The following CCM2 variants were observed in gnomAD, a reference collection of about 807,000 sequenced individuals.
CCM2 encodes the protein cerebral cavernous malformations 2 protein.
A neutral mutation model predicts 44.9 loss-of-function variants in CCM2; 25 were observed. The observed-to-expected ratio is 0.56, with a 90% CI of 0.41 to 0.78. The LOEUF (loss-of-function observed/expected upper bound fraction) is 0.78, where lower values mean the gene tolerates loss of function less well. Ranked by LOEUF, CCM2 falls within the 30% of genes least tolerant of loss-of-function variation. The pLI is 0.00. For missense variants in CCM2, 481 were observed against 580.6 expected, an observed-to-expected ratio of 0.83 and a Z score of 1.76; for synonymous variants, 219 against 241.1, an observed-to-expected ratio of 0.91 and a Z score of 0.85.
At chr7:45,029,334 T>G (rs1297000358) in intron 1 of CCM2, 1 of 152,196 alleles carries the variant, frequency 6.6e-6, no homozygotes, top group African/African-American at 2.4e-5. Context: ...TTGTAGTTTA[T>G]TCATAAGGGT....
chr7:45,009,514 C>T (rs538354570), intron 1 of CCM2, among the ~76,000 whole-genome samples: 1 of 149,730 alleles, frequency 6.7e-6, no homozygotes, highest in Admixed American at 6.8e-5. Flanking sequence ...AAGCGATTCT[C>T]CTGCCTCAGC....
intron 4 of CCM2, chr7:45,067,987 G>T: frequency 4.0e-6 from 1 of 247,058 alleles, no homozygotes; most frequent in Non-Finnish European, 8.1e-6. Context: ...GGGAGGCAAT[G>T]GGTAGGATGT....
At chr7:45,074,073 G>A in intron 8 of CCM2, 197 bp from the exon 9 acceptor site, 1 of 1,213,838 alleles carries the variant, frequency 8.2e-7, no homozygotes, top group Non-Finnish European at 1.1e-6. Context: ...GGGTGCCTTG[G>A]TCTCCTCTGG....
intron 6 of CCM2, chr7:45,070,175 G>A (rs1798994209): frequency 1.6e-6 from 1 of 608,060 alleles, no homozygotes; most frequent in South Asian, 2.0e-5. Context: ...CCAGGTCAGC[G>A]CTATGGCTTC....
At chr7:45,052,510 T>C (rs1439201364) in intron 2 of CCM2, among the ~76,000 whole-genome samples, 1 of 152,224 alleles carries the variant, frequency 6.6e-6, no homozygotes, top group Non-Finnish European at 1.5e-5. Flanking sequence ...CACCTGTTCC[T>C]GCAGCTGGCA....
intron 2 of CCM2, among the ~76,000 whole-genome samples, chr7:45,063,601 C>T (rs1382285762): frequency 1.3e-5 from 2 of 152,138 alleles, no homozygotes; most frequent in Non-Finnish European, 2.9e-5. Flanking sequence ...CCTGACCATC[C>T]CTGTTTTAGA....
At chr7:45,001,140 C>A (rs1795604846) in intron 1 of CCM2, among the ~76,000 whole-genome samples, 3 of 152,108 alleles carry the variant, frequency 2.0e-5, no homozygotes, top group Admixed American at 1.3e-4. Flanking sequence ...CTCGATAATT[C>A]CTAACTATGA....
At chr7:45,044,897 T>C (rs1463438543) in intron 2 of CCM2, among the ~76,000 whole-genome samples, 2 of 152,292 alleles carry the variant, frequency 1.3e-5, no homozygotes, top group South Asian at 4.2e-4. Context: ...TAAAATTTTG[T>C]TTTGAAGATT....
intron 1 of CCM2, among the ~76,000 whole-genome samples, chr7:45,036,747 C>T (rs1797236428): frequency 6.6e-6 from 1 of 152,084 alleles, no homozygotes; most frequent in Non-Finnish European, 1.5e-5. Flanking sequence ...GGGTGAATTT[C>T]CCATATGCTG....
intron 1 of CCM2, among the ~76,000 whole-genome samples, chr7:45,024,999 A>G (rs1249573475): frequency 6.6e-6 from 1 of 152,182 alleles, no homozygotes; most frequent in East Asian, 1.9e-4. Flanking sequence ...GTTAGACTCG[A>G]TGGACCCAGC....
At chr7:45,052,423 AC>A (rs1798056670) in intron 2 of CCM2, among the ~76,000 whole-genome samples, 1 of 151,966 alleles carries the variant, frequency 6.6e-6, no homozygotes, top group Admixed American at 6.6e-5. Flanking sequence ...TGTATTGGGA[AC>A]CCTTTCTGAG....
chr7:45,055,294 A>G (rs887819660), intron 2 of CCM2, among the ~76,000 whole-genome samples: 5 of 152,246 alleles, frequency 3.3e-5, no homozygotes, highest in Non-Finnish European at 5.9e-5. Flanking sequence ...TTTTGAGAAC[A>G]GAGAATAATA....
At chr7:45,044,165 G>C (rs557383568) in intron 2 of CCM2, among the ~76,000 whole-genome samples, 1 of 152,028 alleles carries the variant, frequency 6.6e-6, no homozygotes, top group Non-Finnish European at 1.5e-5. Context: ...ATGGAGTCTC[G>C]CTCTGTCGCC....
chr7:45,052,186 C>G (rs1463710755), intron 2 of CCM2, among the ~76,000 whole-genome samples: 1 of 152,158 alleles, frequency 6.6e-6, no homozygotes, highest in Non-Finnish European at 1.5e-5. Flanking sequence ...GGAGGACATG[C>G]TAATTTTTGC....
At chr7:45,038,573 T>C (rs910852705) in intron 2 of CCM2, 147 bp downstream of exon 2, 2 of 848,390 alleles carry the variant, frequency 2.4e-6, no homozygotes, top group African/African-American at 3.4e-5. Context: ...TCTATGCTGA[T>C]AAATTTAATA....
intron 1 of CCM2, among the ~76,000 whole-genome samples, chr7:45,017,286 AAAAGG>A (rs1796305894): frequency 6.6e-6 from 1 of 152,224 alleles, no homozygotes; most frequent in Non-Finnish European, 1.5e-5. Flanking sequence ...CCCATACCTC[AAAAGG>A]TGAAGCAAGG....
intron 6 of CCM2, chr7:45,070,778 G>A: frequency 6.1e-6 from 1 of 163,368 alleles, no homozygotes; most frequent in East Asian, 1.9e-4. Context: ...GAGAAACCCT[G>A]TCTCTACTAA....
chr7:45,031,303 G>T (rs1311592387), intron 1 of CCM2, among the ~76,000 whole-genome samples: 1 of 149,266 alleles, frequency 6.7e-6, no homozygotes, highest in Non-Finnish European at 1.5e-5. Flanking sequence ...AATCGCTTGA[G>T]CCCGGGAGGT....
At chr7:45,061,521 G>A (rs1798521172) in intron 2 of CCM2, among the ~76,000 whole-genome samples, 1 of 145,388 alleles carries the variant, frequency 6.9e-6, no homozygotes, top group Non-Finnish European at 1.5e-5. Context: ...AAACTGGAGT[G>A]CAGTGGCACC....
Sources: gnomAD v4.1 joint callset for allele counts (sites outside exome capture counted in the v4.1 genomes callset) on GRCh38, gnomAD v4.1.1 for gene constraint, MANE v1.5 for transcripts, NCBI Gene and HGNC (gene_info 2026-07-23, HGNC 2026-07-21) for gene names.